Variants in COL21A1 observed in about 807,000 individuals in gnomAD.
The protein encoded by COL21A1 is collagen alpha-1(XXI) chain.
COL21A1 carries 149 observed loss-of-function variants against 137.9 expected under a neutral mutation model. The observed-to-expected ratio is 1.08, with a 90% CI of 0.95 to 1.24. The LOEUF (loss-of-function observed/expected upper bound fraction) is 1.24. Among genes scored for constraint, COL21A1 ranks in the 50% most tolerant of loss-of-function variants. The pLI, the probability that COL21A1 is intolerant of heterozygous loss-of-function variation, is 0.00. For missense variants in COL21A1, 1,167 were observed against 1,158.4 expected (o/e 1.01, Z -0.11); for synonymous variants, 456 against 391.5 (o/e 1.16, Z -1.95).
At position 56,057,719 on chromosome 6, in the gene COL21A1, G is replaced by A; in HGVS notation, c.2812C>T (p.Pro938Ser). Residue 938 changes from proline to serine, a missense_variant, in exon 30 of 30, where the codon CCA (proline) becomes TCA (serine). Pro to Ser is a moderately conservative substitution (Grantham distance 74, BLOSUM62 -1). Transcript: ENST00000244728. ...GCAATTACACTAAAACATAGTGATG[G>A]GTCGCAGATGCCTGGGGGGCCTGGT... Reference protein sequence around the residue: ...GQPGPPGICDPSLCFSVIARR... With the variant: ...GQPGPPGICDSSLCFSVIARR... The A allele has an allele frequency of 6.2e-7, 1 of 1,613,010 alleles. No individual in the cohort carries two copies. Among genetic ancestry groups the A allele is most frequent in the African/African-American group, 1.3e-5 (1 of 74,956 alleles).
At chr6:56,178,671 CT>C (rs1777670800) in intron 3 of COL21A1, among the ~76,000 whole-genome samples, 1 of 151,976 alleles carries the variant, frequency 6.6e-6, no homozygotes, top group South Asian at 2.1e-4. Flanking sequence ...TTACTCTCCC[CT>C]AAAATAATCT....
chr6:56,298,463 A>T (rs1270942035), intron 1 of COL21A1, among the ~76,000 whole-genome samples: 1 of 152,016 alleles, frequency 6.6e-6, no homozygotes, highest in Non-Finnish European at 1.5e-5. Context: ...GGGAATCAGA[A>T]GCAGTTGAGT....
Position 56,173,373 on chromosome 6 carries a change from G to A in COL21A1, c.641-2245C>T, listed in dbSNP as rs1279848316. ...AGCCTGCGCAACAGAATGAGACAAA[G>A]GAAAGGGAAAGGAGAAGGGGAAGGG... On this transcript the variant is annotated intron_variant, in intron 3 of 29. Transcript: ENST00000244728. Among the ~76,000 whole-genome samples, 5 of 150,000 alleles carry A rather than the reference G, an allele frequency of 3.3e-5. No individual in the cohort carries two copies. The Admixed American group carries it at 3.3e-4, about 10-fold the overall frequency.
intron 1 of COL21A1, among the ~76,000 whole-genome samples, chr6:56,316,003 A>G (rs1318150844): frequency 2.0e-5 from 3 of 152,220 alleles, no homozygotes; most frequent in African/African-American, 7.2e-5. Flanking sequence ...TTTGTCAGTC[A>G]TACCACAATA....
chr6:56,260,548 T>G (rs1338810963), intron 1 of COL21A1, among the ~76,000 whole-genome samples: 1 of 140,778 alleles, frequency 7.1e-6, no homozygotes, highest in Non-Finnish European at 1.5e-5. Context: ...CACTTCAGCC[T>G]GGGTGACAGA....
chr6:56,133,307 G>A (rs1454628320), intron 12 of COL21A1, among the ~76,000 whole-genome samples: 1 of 152,134 alleles, frequency 6.6e-6, no homozygotes, highest in Non-Finnish European at 1.5e-5. Flanking sequence ...TTATGTTTTA[G>A]TAAAGAGACT....
intron 1 of COL21A1, among the ~76,000 whole-genome samples, chr6:56,375,287 C>T (rs1258238866): frequency 6.6e-6 from 1 of 152,204 alleles, no homozygotes; most frequent in Non-Finnish European, 1.5e-5. Context: ...CCACCCTCCT[C>T]ACTTCTCCAC....
chr6:56,117,272 A>T (rs1444958231), intron 16 of COL21A1, among the ~76,000 whole-genome samples: 1 of 152,000 alleles, frequency 6.6e-6, no homozygotes. Flanking sequence ...CCATGCCAAC[A>T]GAAACCAAAA....
chr6:56,193,479 A>G (rs1237135088), intron 1 of COL21A1, among the ~76,000 whole-genome samples: 3 of 152,154 alleles, frequency 2.0e-5, no homozygotes, highest in Admixed American at 6.5e-5. Context: ...TGAAGCCCCA[A>G]AACAGGCAAA....
intron 1 of COL21A1, among the ~76,000 whole-genome samples, chr6:56,194,675 G>T (rs1778909724): frequency 6.6e-6 from 1 of 152,094 alleles, no homozygotes; most frequent in South Asian, 2.1e-4. Flanking sequence ...ATAAAGCCTT[G>T]ATACTCAGAG....
chr6:56,157,011 A>G, intron 9 of COL21A1, 62 bp from the exon 10 acceptor site: 1 of 1,186,446 alleles, frequency 8.4e-7, no homozygotes, highest in Non-Finnish European at 1.2e-6. Context: ...TGCAGTCAGG[A>G]TCAATAAAAG....
chr6:56,146,192 C>T (rs1774822379), intron 10 of COL21A1, among the ~76,000 whole-genome samples: 1 of 152,014 alleles, frequency 6.6e-6, no homozygotes, highest in African/African-American at 2.4e-5. Context: ...TTGGATGTCA[C>T]CCTCCTTTTA....
At position 56,171,004 on chromosome 6, in the gene COL21A1, T is replaced by C. The variant is rs1208744234; in HGVS notation, c.765A>G (p.Lys255=). The change falls in exon 4 of 30, where the codon AAA becomes AAG. Residue 255 remains lysine, a synonymous_variant. Coordinates refer to ENST00000244728, the MANE Select transcript of COL21A1 (RefSeq NM_030820.4). ...CAACTTTTGATGTTACTTCATATCC[T>C]TTTATCTTTTTTGGTGAAAGCTGTA... ...KRIQLSPKKI[K]GYEVTSKVDL... is the part of the protein sequence containing the mutation. 1.9e-6 allele frequency: 3 copies of C among 1,606,888 alleles called. No homozygotes were observed. Among genetic ancestry groups the C allele is most frequent in the Non-Finnish European group, 2.5e-6 (3 of 1,177,196 alleles).
At chr6:56,257,701 C>G (rs1016405980) in intron 1 of COL21A1, among the ~76,000 whole-genome samples, 1 of 151,860 alleles carries the variant, frequency 6.6e-6, no homozygotes, top group African/African-American at 2.4e-5. Flanking sequence ...GTGGATATCA[C>G]CATATTCCAA....
intron 1 of COL21A1, among the ~76,000 whole-genome samples, chr6:56,353,245 G>T (rs762429998): frequency 5.3e-5 from 8 of 152,142 alleles, no homozygotes; most frequent in Non-Finnish European, 1.2e-4. Context: ...AGCTAGATAA[G>T]AAGAGGCCAT....
At chr6:56,210,167 G>A (rs1780069078) in intron 1 of COL21A1, among the ~76,000 whole-genome samples, 1 of 152,040 alleles carries the variant, frequency 6.6e-6, no homozygotes, top group Non-Finnish European at 1.5e-5. Context: ...ATGACGATTT[G>A]ATGGGTGCAG....
chr6:56,195,784 G>T (rs1036715771), intron 1 of COL21A1, among the ~76,000 whole-genome samples: 2 of 152,044 alleles, frequency 1.3e-5, no homozygotes, highest in Non-Finnish European at 1.5e-5. Flanking sequence ...GCTTCATGAT[G>T]AATTCTATTA....
At chr6:56,060,395 C>A (rs547039885) in intron 27 of COL21A1, 177 bp from the exon 28 acceptor site, 21 of 593,830 alleles carry the variant, frequency 3.5e-5, no homozygotes, top group Non-Finnish European at 5.6e-5. Context: ...TTGCTCTGTG[C>A]GGTAATTTTA....
intron 1 of COL21A1, among the ~76,000 whole-genome samples, chr6:56,384,081 T>A (rs181229195): frequency 6.6e-6 from 1 of 152,306 alleles, no homozygotes; most frequent in Non-Finnish European, 1.5e-5. Context: ...CTTCTCAGCA[T>A]ACAGTCACAC....
Sources: gnomAD v4.1 joint callset for allele counts (sites outside exome capture counted in the v4.1 genomes callset) on GRCh38, gnomAD v4.1.1 for gene constraint, MANE v1.5 for transcripts, NCBI Gene and HGNC (gene_info 2026-07-23, HGNC 2026-07-21) for gene names.